PDE6C: variants seen among roughly 807,000 people sequenced by gnomAD.
The protein encoded by PDE6C is phosphodiesterase 6C.
PDE6C carries 75 observed loss-of-function variants against 113.1 expected under a neutral mutation model. The observed-to-expected ratio is 0.66, with a 90% CI of 0.55 to 0.80. PDE6C has a LOEUF of 0.80. Among genes scored for constraint, PDE6C ranks in the 30% least tolerant of loss-of-function variants. PDE6C has a pLI of 0.00. For missense variants in PDE6C, 912 were observed against 1,038.6 expected, an observed-to-expected ratio of 0.88 and a Z score of 1.67; for synonymous variants, 375 against 363.7, an observed-to-expected ratio of 1.03 and a Z score of -0.35.
Position 93,622,028 on chromosome 10 carries a change from T to C in PDE6C, c.820T>C (p.Cys274Arg), listed in dbSNP as rs749234358. The C allele has an allele frequency of 2.5e-6, 4 of 1,614,016 alleles. No homozygotes were observed. ...CTACACGGTTAGATCATATCTGAAC[T>C]GTGAACGATACTCCATTGGACTGCT... ...ALYTVRSYLN[C>R]ERYSIGLLDM... Residue 274 changes from cysteine (C) to arginine (R), a missense_variant, in exon 4 of 22, where the codon TGT becomes CGT. Coordinates refer to ENST00000371447, the MANE Select transcript of PDE6C (RefSeq NM_006204.4).
chr10:93,655,742 T>C lies in PDE6C; in HGVS notation c.1936-18T>C. On this transcript the variant is annotated intron_variant, in intron 15 of 21. Transcript: ENST00000371447. ...GCAAATTATTGATAGCATTTTATTG[T>C]GAATTTTCATCTTACAGAGTTTAAA... The C allele has an allele frequency of 7.7e-7, 1 of 1,295,696 alleles. No individual in the cohort carries two copies. Among genetic ancestry groups the C allele is most frequent in the Non-Finnish European group, 1.1e-6 (1 of 889,416 alleles). 80.3% of individuals were successfully genotyped at this position (1,295,696 alleles called of 1,614,324 possible).
intron 21 of PDE6C, among the ~76,000 whole-genome samples, chr10:93,664,206 G>A (rs1284526798): frequency 1.3e-5 from 2 of 152,166 alleles, no homozygotes; most frequent in Non-Finnish European, 2.9e-5. Flanking sequence ...TAAACATTGT[G>A]AACCAATGCA....
At chr10:93,663,006 T>C in intron 20 of PDE6C, 22 bp from the exon 21 acceptor site, 1 of 1,599,846 alleles carries the variant, frequency 6.3e-7, no homozygotes, top group South Asian at 1.1e-5. Flanking sequence ...TTATGTAGTT[T>C]CTGACCTAAA....
At chr10:93,644,934 T>TAA (rs1036193404) in intron 14 of PDE6C, among the ~76,000 whole-genome samples, 5 of 148,676 alleles carry the variant, frequency 3.4e-5, no homozygotes, top group Admixed American at 1.4e-4. Flanking sequence ...AGTATATATA[T>TAA]AATGGAATAT....
intron 18 of PDE6C, among the ~76,000 whole-genome samples, chr10:93,661,601 GT>G (rs201267214): frequency 7.3e-5 from 11 of 150,996 alleles, no homozygotes; most frequent in African/African-American, 2.2e-4. Context: ...CTTGATAAAT[GT>G]TTTTTTTTAG....
rs1297702086 is a variant in PDE6C at position 93,612,812 on chromosome 10, G to A, written c.87G>A (p.Arg29=). 5 of 1,614,194 alleles carry A rather than the reference G, an allele frequency of 3.1e-6. No homozygotes were observed. Among genetic ancestry groups the A allele is most frequent in the South Asian group, 1.1e-5 (1 of 91,082 alleles). The change falls in exon 1 of 22, where the codon CGG becomes CGA. Residue 29 remains arginine (R), a synonymous_variant. Transcript: ENST00000371447. ...AGGAGTACTTTGACAGGAAGTTGCG[G>A]GTGGAGGTGCTGGGAGAAATCTTCA... is the stretch of plus-strand genomic sequence containing the variant. ...FAKEYFDRKL[R]VEVLGEIFKN...
intron 15 of PDE6C, among the ~76,000 whole-genome samples, chr10:93,653,654 A>G (rs1412795406): frequency 1.4e-5 from 2 of 146,170 alleles, no homozygotes; most frequent in East Asian, 3.9e-4. Context: ...AAAAAAAAAC[A>G]AAAACAAAAA....
intron 17 of PDE6C, 39 bp downstream of exon 17, chr10:93,659,047 A>T: frequency 6.3e-7 from 1 of 1,578,298 alleles, no homozygotes. Flanking sequence ...TGTTTTTTGT[A>T]AAAATAACTT....
At chr10:93,622,639 G>GTTTTTTTTTGTTTT (rs2058452335) in intron 4 of PDE6C, among the ~76,000 whole-genome samples, 1 of 113,990 alleles carries the variant, frequency 8.8e-6, no homozygotes, top group Admixed American at 9.0e-5. Context: ...GTAGCCACAG[G>GTTTTTTTTTGTTTT]TTTTTTTTTT....
intron 9 of PDE6C, 104 bp downstream of exon 9, chr10:93,635,011 A>G (rs1669270539): frequency 1.7e-6 from 2 of 1,177,774 alleles, no homozygotes; most frequent in Admixed American, 3.6e-5. Flanking sequence ...GGCCATTAAG[A>G]CATGAGTCAC....
chr10:93,618,208 T>C (rs1277636115), intron 1 of PDE6C, among the ~76,000 whole-genome samples: 1 of 152,188 alleles, frequency 6.6e-6, no homozygotes, highest in African/African-American at 2.4e-5. Context: ...GCAAAAGAAC[T>C]ACTTCTCATT....
chr10:93,639,946 G>A, intron 11 of PDE6C, 124 bp from the exon 12 acceptor site: 3 of 961,124 alleles, frequency 3.1e-6, no homozygotes, highest in South Asian at 2.6e-5. Context: ...GGCACATGGT[G>A]GTTCAGTGAA....
intron 12 of PDE6C, 84 bp downstream of exon 12, chr10:93,640,300 A>T (rs947823858): frequency 2.0e-5 from 27 of 1,384,454 alleles, no homozygotes; most frequent in Middle Eastern, 3.9e-4. Flanking sequence ...AGATGGACTC[A>T]GTTTGAATTT....
At chr10:93,648,581 G>T (rs2058595127) in intron 15 of PDE6C, among the ~76,000 whole-genome samples, 1 of 152,164 alleles carries the variant, frequency 6.6e-6, no homozygotes, top group Admixed American at 6.5e-5. Context: ...GCATTACTCA[G>T]ACATTTTGTT....
At chr10:93,619,485 G>A (rs1223524502) in intron 1 of PDE6C, among the ~76,000 whole-genome samples, 1 of 152,114 alleles carries the variant, frequency 6.6e-6, no homozygotes, top group East Asian at 1.9e-4. Context: ...GGAGTACAAT[G>A]GCGCGATCTT....
intron 7 of PDE6C, among the ~76,000 whole-genome samples, 195 bp downstream of exon 7, chr10:93,627,066 C>A (rs2058476734): frequency 6.6e-6 from 1 of 151,848 alleles, no homozygotes; most frequent in East Asian, 1.9e-4. Flanking sequence ...AGTTCGAGAC[C>A]AGCCTGACCA....
intron 15 of PDE6C, among the ~76,000 whole-genome samples, chr10:93,648,263 T>C (rs1168334426): frequency 1.3e-5 from 2 of 152,204 alleles, no homozygotes; most frequent in African/African-American, 2.4e-5. Flanking sequence ...ATATTGCATC[T>C]CAGTAATCTA....
chr10:93,629,440 C>T (rs2058489294), intron 8 of PDE6C, 135 bp downstream of exon 8: 6 of 763,384 alleles, frequency 7.9e-6, no homozygotes, highest in Non-Finnish European at 1.4e-5. Flanking sequence ...ATCTCCCACT[C>T]ACCCTGGCTG....
intron 5 of PDE6C, 53 bp downstream of exon 5, chr10:93,625,702 A>G: frequency 6.4e-6 from 8 of 1,256,962 alleles, no homozygotes; most frequent in Non-Finnish European, 9.3e-6. Context: ...CAGGTGCTAA[A>G]ATTAAGAGGC....
Sources: allele counts gnomAD v4.1 joint callset (sites outside exome capture counted in the v4.1 genomes callset), GRCh38; gene constraint gnomAD v4.1.1; transcripts MANE v1.5; gene names NCBI Gene and HGNC (gene_info 2026-07-23, HGNC 2026-07-21).